The following GRIN2A variants were observed in gnomAD, a reference collection of about 807,000 sequenced individuals.
The protein encoded by GRIN2A is glutamate receptor ionotropic, NMDA 2A.
Under a neutral mutation model 113.4 loss-of-function variants are expected in GRIN2A, and 22 were observed. The observed-to-expected ratio is 0.19, with a 90% CI of 0.14 to 0.28. The LOEUF is 0.28. Among genes scored for constraint, GRIN2A ranks in the 10% least tolerant of loss-of-function variants. The probability of loss-of-function intolerance (pLI) is 1.00; values close to 1 mark genes in which losing one functional copy is unlikely to be tolerated. For synonymous variants in GRIN2A, 827 were observed against 738.4 expected, an observed-to-expected ratio of 1.12 and a Z score of -1.94; for missense variants, 1,502 against 1,887.0, an observed-to-expected ratio of 0.80 and a Z score of 3.78.
At chr16:10,024,756 CCTCACTGAAGAGGTAGGCACAATAGCTTT>C (rs2046789217) in intron 2 of GRIN2A, among the ~76,000 whole-genome samples, 1 of 152,174 alleles carries the variant, frequency 6.6e-6, no homozygotes, top group African/African-American at 2.4e-5. Flanking sequence ...CCCACTCACT[CCTCACTGAAGAGGTAGGCACAATAGCTTT>C]CTCACTGCTT....
intron 10 of GRIN2A, among the ~76,000 whole-genome samples, chr16:9,801,828 A>T (rs920062698): frequency 6.6e-6 from 1 of 152,122 alleles, no homozygotes; most frequent in Non-Finnish European, 1.5e-5. Context: ...CCATGGCCTG[A>T]CTGTCATCTT....
At chr16:10,038,628 G>C (rs954196565) in intron 2 of GRIN2A, among the ~76,000 whole-genome samples, 2 of 152,004 alleles carry the variant, frequency 1.3e-5, no homozygotes, top group African/African-American at 4.8e-5. Flanking sequence ...CAGATCACGA[G>C]GTCAGGAGAT....
chr16:9,914,780 A>G (rs1360612618), intron 3 of GRIN2A, among the ~76,000 whole-genome samples: 1 of 151,666 alleles, frequency 6.6e-6, no homozygotes, highest in Non-Finnish European at 1.5e-5. Context: ...CCACAAAGAG[A>G]CTCAACTGAA....
At chr16:9,988,663 A>T (rs2046035778) in intron 2 of GRIN2A, among the ~76,000 whole-genome samples, 1 of 152,148 alleles carries the variant, frequency 6.6e-6, no homozygotes, top group African/African-American at 2.4e-5. Context: ...TCATCTTCAC[A>T]ACAACCCTCT....
chr16:10,149,458 T>C (rs1285391108), intron 2 of GRIN2A, among the ~76,000 whole-genome samples: 1 of 152,264 alleles, frequency 6.6e-6, no homozygotes, highest in African/African-American at 2.4e-5. Context: ...TTCTCTGTAC[T>C]AATTTTGCAA....
At chr16:9,967,950 G>A (rs2045588158) in intron 2 of GRIN2A, among the ~76,000 whole-genome samples, 1 of 152,164 alleles carries the variant, frequency 6.6e-6, no homozygotes, top group Non-Finnish European at 1.5e-5. Context: ...CAAAGACAGT[G>A]AAATGTCAGA....
intron 10 of GRIN2A, among the ~76,000 whole-genome samples, chr16:9,802,284 T>C (rs1489075406): frequency 6.6e-6 from 1 of 152,014 alleles, no homozygotes; most frequent in East Asian, 1.9e-4. Flanking sequence ...GGCATCAACC[T>C]CAATCAAACC....
At chr16:10,178,461 G>C (rs996648906) in intron 2 of GRIN2A, among the ~76,000 whole-genome samples, 1 of 152,210 alleles carries the variant, frequency 6.6e-6, no homozygotes, top group Non-Finnish European at 1.5e-5. Flanking sequence ...CACTTCATCT[G>C]AAAGTTACAG....
At chr16:9,877,831 T>C (rs1343567196) in intron 4 of GRIN2A, among the ~76,000 whole-genome samples, 2 of 51,582 alleles carry the variant, frequency 3.9e-5, no homozygotes, top group Non-Finnish European at 6.6e-5. Context: ...CCCCCCTCCC[T>C]GTCCTGCTAT....
intron 2 of GRIN2A, among the ~76,000 whole-genome samples, chr16:10,117,183 T>C (rs1246710120): frequency 1.3e-5 from 2 of 152,188 alleles, no homozygotes; most frequent in African/African-American, 4.8e-5. Context: ...TTGGCTCTAG[T>C]TGTTGGCTCC....
intron 5 of GRIN2A, among the ~76,000 whole-genome samples, chr16:9,846,241 TG>T (rs2042770110): frequency 6.6e-6 from 1 of 152,092 alleles, no homozygotes; most frequent in African/African-American, 2.4e-5. Context: ...GCTGGGGGAC[TG>T]CTTATCAAAA....
At chr16:9,998,657 C>T (rs1437163226) in intron 2 of GRIN2A, among the ~76,000 whole-genome samples, 1 of 152,124 alleles carries the variant, frequency 6.6e-6, no homozygotes, top group African/African-American at 2.4e-5. Flanking sequence ...ATCTTACTCC[C>T]TTTATGTTTT....
At chr16:9,832,455 G>A (rs1050204016) in intron 8 of GRIN2A, among the ~76,000 whole-genome samples, 4 of 151,850 alleles carry the variant, frequency 2.6e-5, no homozygotes, top group Non-Finnish European at 4.4e-5. Context: ...ATGTCACTAT[G>A]TTTTTTTCTT....
chr16:9,817,675 G>C (rs1051764401), intron 10 of GRIN2A, among the ~76,000 whole-genome samples: 1 of 152,242 alleles, frequency 6.6e-6, no homozygotes, highest in Non-Finnish European at 1.5e-5. Context: ...TAATGCTCGA[G>C]TCCAGACTCA....
chr16:9,990,260 C>T (rs1225311326), intron 2 of GRIN2A, among the ~76,000 whole-genome samples: 1 of 152,074 alleles, frequency 6.6e-6, no homozygotes, highest in African/African-American at 2.4e-5. Context: ...AGGCCATTAT[C>T]CTAAGTGGGT....
rs529393664 is a variant in GRIN2A, at chr16:9,900,531, C to T, written c.1008-9431G>A. On this transcript the variant is annotated intron_variant, in intron 3 of 12. Transcript: ENST00000330684. Reference sequence around the variant, plus strand: ...TCTGTAAATATGACTCTCCTCCTCCCAACTCCACAGAGCATACCTGAAACT... The same window carrying T: ...TCTGTAAATATGACTCTCCTCCTCCTAACTCCACAGAGCATACCTGAAACT... Among the ~76,000 whole-genome samples, 29 of 152,280 alleles carry T rather than the reference C, an allele frequency of 1.9e-4. No individual in the cohort carries two copies. The Middle Eastern group carries it at 0.017, about 89-fold the overall frequency.
chr16:9,959,671 C>T lies in GRIN2A; in HGVS notation c.415-21120G>A, dbSNP rs577161842. Among the ~76,000 whole-genome samples, 6 of 152,254 alleles carry T rather than the reference C, an allele frequency of 3.9e-5. No homozygotes were observed. In the South Asian group the frequency reaches 8.3e-4, roughly 21 times the overall value. On this transcript the variant is annotated intron_variant, in intron 2 of 12. Transcript: ENST00000330684. The stretch of plus-strand genomic sequence containing the variant: ...CCAATGGTTTTCTTGTGGTTTTATT[C>T]GTGTACTAATTAAAAACATTGGCCA...
At chr16:9,861,884 C>T (rs1348545630) in intron 4 of GRIN2A, among the ~76,000 whole-genome samples, 1 of 152,214 alleles carries the variant, frequency 6.6e-6, no homozygotes, top group African/African-American at 2.4e-5. Context: ...AAAGTGCCTG[C>T]TTCCTCTGAA....
chr16:10,154,842 A>T (rs2049655587), intron 2 of GRIN2A, among the ~76,000 whole-genome samples: 1 of 152,174 alleles, frequency 6.6e-6, no homozygotes, highest in Non-Finnish European at 1.5e-5. Flanking sequence ...ATTTAGAGCA[A>T]TGTGGGTTTT....
Sources: allele counts gnomAD v4.1 joint callset (sites outside exome capture counted in the v4.1 genomes callset), GRCh38; gene constraint gnomAD v4.1.1; transcripts MANE v1.5; gene names NCBI Gene and HGNC (gene_info 2026-07-23, HGNC 2026-07-21).